The following NNT variants were observed in gnomAD, a reference collection of about 807,000 sequenced individuals.
NNT encodes the protein nicotinamide nucleotide transhydrogenase, also known as NAD(P) transhydrogenase, mitochondrial.
A neutral mutation model predicts 104.8 loss-of-function variants in NNT; 50 were observed. The observed-to-expected ratio is 0.48, with a 90% CI of 0.38 to 0.60. The LOEUF is 0.60. Ranked by LOEUF, NNT falls within the 20% of genes least tolerant of loss-of-function variation. The pLI, the probability that NNT is intolerant of heterozygous loss-of-function variation, is 0.00. For synonymous variants in NNT, 461 were observed against 490.4 expected (o/e 0.94, Z 0.79); for missense variants, 1,131 against 1,330.7 (o/e 0.85, Z 2.33).
At chr5:43,616,768 A>G (rs1465778943) in intron 4 of NNT, among the ~76,000 whole-genome samples, 1 of 152,168 alleles carries the variant, frequency 6.6e-6, no homozygotes, top group African/African-American at 2.4e-5. Context: ...GGACAGGAAT[A>G]GCTACATGAA....
chr5:43,668,905 T>C (rs1019098424), intron 17 of NNT, among the ~76,000 whole-genome samples: 3 of 152,206 alleles, frequency 2.0e-5, no homozygotes, highest in African/African-American at 2.4e-5. Context: ...ATTCTTCCTA[T>C]CCATGAGCAT....
chr5:43,645,697 A>ATG, intron 10 of NNT, 187 bp downstream of exon 10: 1 of 101,440 alleles, frequency 9.9e-6, no homozygotes, highest in East Asian at 2.6e-4. Context: ...ATATATATAT[A>ATG]TATATATATA....
At chr5:43,665,806 G>A (rs1020621290) in intron 17 of NNT, among the ~76,000 whole-genome samples, 1 of 113,010 alleles carries the variant, frequency 8.8e-6, no homozygotes, top group African/African-American at 2.6e-5. Flanking sequence ...GGGCAGCCAG[G>A]CAGAGGCGCA....
intron 19 of NNT, among the ~76,000 whole-genome samples, chr5:43,697,967 C>T (rs1742643871): frequency 6.6e-6 from 1 of 152,036 alleles, no homozygotes; most frequent in African/African-American, 2.4e-5. Context: ...AACCATATCA[C>T]TAGGATAGCT....
At chr5:43,612,798 A>G in intron 2 of NNT, 110 bp from the exon 3 acceptor site, 2 of 695,802 alleles carry the variant, frequency 2.9e-6, no homozygotes. Context: ...CATGTGTGGT[A>G]TATTTTGAAG....
intron 7 of NNT, among the ~76,000 whole-genome samples, chr5:43,629,629 C>A (rs542995899): frequency 6.6e-6 from 1 of 152,282 alleles, no homozygotes; most frequent in East Asian, 1.9e-4. Flanking sequence ...TACATCCATG[C>A]CAACATCAGT....
rs372296149 is a variant in NNT at position 43,645,653 on chromosome 5, ATCTCTCTCTC to A, written c.1444+165_1444+174del. ...TATATATCTACACATCTATCTATCT[ATCTCTCTCTC>A]TCTCTCTCTCTCTCTCTCTCTATAT... On this transcript the variant is annotated intron_variant, in intron 10 of 21. Coordinates refer to ENST00000344920, the MANE Select transcript of NNT (RefSeq NM_182977.3). 335 of 68,550 alleles carry A rather than the reference ATCTCTCTCTC, an allele frequency of 4.9e-3. 3 individuals are homozygous for A. The highest frequency in any genetic ancestry group is 0.015 in the African/African-American group (232 of 15,194). The allele number at this position is 68,550 out of a possible 1,614,324, so 4.2% of individuals were successfully genotyped here.
intron 17 of NNT, among the ~76,000 whole-genome samples, chr5:43,675,215 C>T (rs142902679): frequency 9.1e-4 from 139 of 152,058 alleles, no homozygotes; most frequent in African/African-American, 3.2e-3. Context: ...GTGATTTTTT[C>T]ATTAGTTTAT....
intron 17 of NNT, among the ~76,000 whole-genome samples, chr5:43,666,247 G>A (rs1321943148): frequency 1.3e-5 from 2 of 152,146 alleles, no homozygotes; most frequent in African/African-American, 4.8e-5. Flanking sequence ...CAGGCGGCTG[G>A]GAGGGGGAGG....
At chr5:43,620,786 C>A (rs1456005780) in intron 5 of NNT, among the ~76,000 whole-genome samples, 2 of 152,142 alleles carry the variant, frequency 1.3e-5, no homozygotes, top group African/African-American at 4.8e-5. Flanking sequence ...GTCTGGCATG[C>A]ATAGTGGCCA....
rs770442113 is a variant in NNT, at chr5:43,619,063, T to C, written c.631T>C (p.Phe211Leu). The change falls in exon 5 of 22, where the codon TTT becomes CTT. Residue 211 changes from phenylalanine (F) to leucine (L), a missense_variant. Transcript: ENST00000344920. The part of the protein sequence containing the change: ...YKAVVLAANH[F>L]GRFFTGQITA... ...GGCTGTTGTCCTAGCAGCAAATCAT[T>C]TTGGACGTTTTTTTACTGGTCAGAT... 6.4e-7 allele frequency: 1 copy of C among 1,554,106 alleles called. No homozygotes were observed.
chr5:43,610,116 A>G (rs2111781134), intron 2 of NNT, among the ~76,000 whole-genome samples: 1 of 152,066 alleles, frequency 6.6e-6, no homozygotes, highest in Non-Finnish European at 1.5e-5. Context: ...CCCTGATAGA[A>G]TGTCTCCTTG....
At chr5:43,678,918 CCTT>C (rs1741562750) in intron 19 of NNT, among the ~76,000 whole-genome samples, 1 of 152,160 alleles carries the variant, frequency 6.6e-6, no homozygotes, top group African/African-American at 2.4e-5. Context: ...TTGTCTCACT[CCTT>C]CTCCACTCCT....
chr5:43,649,947 A>T (rs1739665087), intron 11 of NNT, among the ~76,000 whole-genome samples: 1 of 152,218 alleles, frequency 6.6e-6, no homozygotes, highest in African/African-American at 2.4e-5. Context: ...CCTCAGGGCC[A>T]ATAGTCATCT....
At chr5:43,685,548 G>GA (rs1741943457) in intron 19 of NNT, among the ~76,000 whole-genome samples, 1 of 152,032 alleles carries the variant, frequency 6.6e-6, no homozygotes, top group South Asian at 2.1e-4. Context: ...CTGAAAAATG[G>GA]AAAAAGCACT....
At chr5:43,635,354 T>A (rs931665310) in intron 7 of NNT, among the ~76,000 whole-genome samples, 4 of 152,284 alleles carry the variant, frequency 2.6e-5, no homozygotes, top group Middle Eastern at 3.4e-3. Flanking sequence ...CTGTCTCTAT[T>A]TAAGCCAGCT....
intron 17 of NNT, chr5:43,667,254 TCCC>T (rs1740759054): frequency 1.2e-6 from 1 of 834,504 alleles, no homozygotes; most frequent in Non-Finnish European, 2.1e-6. Context: ...AAGCTGCCGG[TCCC>T]GAAGTGCCTA....
At chr5:43,647,291 T>C (rs1176312518) in intron 10 of NNT, among the ~76,000 whole-genome samples, 1 of 152,236 alleles carries the variant, frequency 6.6e-6, no homozygotes, top group Non-Finnish European at 1.5e-5. Flanking sequence ...AATGAGGTTA[T>C]TGTGTTGTAC....
intron 10 of NNT, 133 bp downstream of exon 10, chr5:43,645,643 CTA>C (rs1174907841): frequency 1.7e-5 from 2 of 115,516 alleles, no homozygotes; most frequent in African/African-American, 7.9e-5. Flanking sequence ...ATCTACACAT[CTA>C]TCTATCTATC....
Sources: allele counts gnomAD v4.1 joint callset (sites outside exome capture counted in the v4.1 genomes callset), GRCh38; gene constraint gnomAD v4.1.1; transcripts MANE v1.5; gene names NCBI Gene and HGNC (gene_info 2026-07-23, HGNC 2026-07-21).